Variants in ZNF385B observed in about 807,000 individuals in gnomAD.
The protein encoded by ZNF385B is zinc finger protein 533.
In ZNF385B, 23 loss-of-function variants were observed where a neutral mutation model predicts 39.2. The observed-to-expected ratio is 0.59, with a 90% CI of 0.42 to 0.83. ZNF385B has a LOEUF of 0.83. Ranked by LOEUF, ZNF385B falls within the 40% of genes least tolerant of loss-of-function variation. The pLI is 0.00. For synonymous variants in ZNF385B, 205 were observed against 222.6 expected (o/e 0.92, Z 0.70); for missense variants, 552 against 598.9 (o/e 0.92, Z 0.82).
At chr2:179,476,750 T>C (rs1221081095) in intron 6 of ZNF385B, among the ~76,000 whole-genome samples, 1 of 152,208 alleles carries the variant, frequency 6.6e-6, no homozygotes, top group Non-Finnish European at 1.5e-5. Flanking sequence ...TAAGTTGACC[T>C]TGAAAGTCAT....
rs374147864 is a variant in ZNF385B at position 179,792,375 on chromosome 2, CT to C, written c.-154-21704del. 4.8e-4 allele frequency among the ~76,000 whole-genome samples: 60 copies of C among 124,090 alleles called. 2 individuals are homozygous for C. Among genetic ancestry groups the C allele is most frequent in the Non-Finnish European group, 8.3e-4 (51 of 61,526 alleles). 81.4% of individuals were successfully genotyped at this position (124,090 alleles called of 152,430 possible). A position where few individuals can be genotyped will look rare whatever the true frequency, so the allele number is the denominator to read the frequency against. On this transcript the variant is annotated intron_variant, in intron 1 of 9. Coordinates refer to ENST00000410066, the MANE Select transcript of ZNF385B (RefSeq NM_152520.6). ...GAAGTAGGCCATTTCATTTTCTTTT[CT>C]TTTTTTTTTTTTTTTGAGACAGAGT... is the stretch of plus-strand genomic sequence containing the variant.
intron 3 of ZNF385B, among the ~76,000 whole-genome samples, chr2:179,584,828 G>C (rs1455627824): frequency 1.3e-5 from 2 of 152,154 alleles, no homozygotes; most frequent in African/African-American, 4.8e-5. Context: ...CCTATATATA[G>C]ATGCCATATG....
At chr2:179,533,021 T>C (rs2059347534) in intron 4 of ZNF385B, among the ~76,000 whole-genome samples, 1 of 152,172 alleles carries the variant, frequency 6.6e-6, no homozygotes, top group Non-Finnish European at 1.5e-5. Context: ...GATAATTTCC[T>C]GTGATGACCG....
intron 1 of ZNF385B, among the ~76,000 whole-genome samples, chr2:179,815,877 A>G (rs1433872741): frequency 6.6e-6 from 1 of 152,126 alleles, no homozygotes; most frequent in African/African-American, 2.4e-5. Flanking sequence ...CTTTTCATCT[A>G]TCTGATTATA....
intron 4 of ZNF385B, among the ~76,000 whole-genome samples, chr2:179,540,457 A>G (rs2105893648): frequency 6.6e-6 from 1 of 152,172 alleles, no homozygotes; most frequent in East Asian, 1.9e-4. Context: ...AAACAAACAA[A>G]AACAAAACAA....
intron 6 of ZNF385B, among the ~76,000 whole-genome samples, chr2:179,481,708 A>G (rs1177854245): frequency 6.6e-6 from 1 of 152,188 alleles, no homozygotes; most frequent in African/African-American, 2.4e-5. Context: ...GCTGGAAGGT[A>G]AAGAGCATAA....
At chr2:179,694,684 A>G (rs1268357977) in intron 3 of ZNF385B, among the ~76,000 whole-genome samples, 1 of 152,080 alleles carries the variant, frequency 6.6e-6, no homozygotes, top group Non-Finnish European at 1.5e-5. Flanking sequence ...AATCCCAGCA[A>G]TTTGGGAGGT....
chr2:179,615,064 A>C (rs1660503407), intron 3 of ZNF385B, among the ~76,000 whole-genome samples: 1 of 152,178 alleles, frequency 6.6e-6, no homozygotes, highest in Non-Finnish European at 1.5e-5. Context: ...CTGGACATTT[A>C]AGATTTTTTA....
rs147264546 is a variant in ZNF385B at position 179,497,047 on chromosome 2, T to C, written c.553-13613A>G. Among the ~76,000 whole-genome samples, 911 of 152,172 alleles carry C rather than the reference T, an allele frequency of 6.0e-3. 8 individuals are homozygous for C. The highest frequency in any genetic ancestry group is 0.021 in the African/African-American group (865 of 41,512). On this transcript the variant is annotated intron_variant, in intron 5 of 9. Coordinates refer to ENST00000410066, the MANE Select transcript of ZNF385B (RefSeq NM_152520.6). ...CTGGGCAACAGAGTGAGAATCTGTC[T>C]CAAAAACAAACAAATGAACAAACAA...
At chr2:179,444,307 T>C (rs2049252387) in intron 9 of ZNF385B, among the ~76,000 whole-genome samples, 1 of 152,286 alleles carries the variant, frequency 6.6e-6, no homozygotes, top group East Asian at 1.9e-4. Context: ...AATCTATCCA[T>C]CTTGGTATTT....
chr2:179,690,888 T>G (rs566387585), intron 3 of ZNF385B, among the ~76,000 whole-genome samples: 1 of 152,306 alleles, frequency 6.6e-6, no homozygotes, highest in East Asian at 1.9e-4. Context: ...TCTTACAAGA[T>G]TATGGTTTTA....
intron 1 of ZNF385B, among the ~76,000 whole-genome samples, chr2:179,819,081 C>T (rs1245824577): frequency 1.4e-5 from 2 of 146,654 alleles, no homozygotes; most frequent in South Asian, 2.2e-4. Flanking sequence ...ACACAATTTA[C>T]TCCACAAAAT....
At chr2:179,641,811 A>T (rs1231899510) in intron 3 of ZNF385B, among the ~76,000 whole-genome samples, 1 of 152,154 alleles carries the variant, frequency 6.6e-6, no homozygotes, top group Non-Finnish European at 1.5e-5. Flanking sequence ...CTTTTGTCCC[A>T]GAAGCCACAG....
chr2:179,804,319 A>G (rs571775015), intron 1 of ZNF385B, among the ~76,000 whole-genome samples: 17 of 152,198 alleles, frequency 1.1e-4, no homozygotes, highest in Non-Finnish European at 2.2e-4. Context: ...CAAAGACTCA[A>G]GTGCTTCTAA....
intron 3 of ZNF385B, among the ~76,000 whole-genome samples, chr2:179,594,677 A>G (rs1687845816): frequency 6.6e-6 from 1 of 152,242 alleles, no homozygotes; most frequent in Non-Finnish European, 1.5e-5. Context: ...GCCAGTTCAG[A>G]TAAAGAGGAG....
intron 3 of ZNF385B, among the ~76,000 whole-genome samples, chr2:179,577,572 C>A (rs61515342): frequency 0.088 from 13,332 of 152,022 alleles, 647 homozygotes; most frequent in Non-Finnish European, 0.1. Context: ...TGGACCTATG[C>A]TCCTTTATAA....
chr2:179,668,714 G>T (rs1446600151), intron 3 of ZNF385B, among the ~76,000 whole-genome samples: 1 of 151,016 alleles, frequency 6.6e-6, no homozygotes, highest in Admixed American at 6.6e-5. Context: ...CATAAGCTAG[G>T]GGAAAAAAGG....
intron 3 of ZNF385B, among the ~76,000 whole-genome samples, chr2:179,569,148 C>T (rs1684926015): frequency 6.6e-6 from 1 of 152,132 alleles, no homozygotes; most frequent in Non-Finnish European, 1.5e-5. Context: ...TCCCCAAGAT[C>T]CTAAAGCAGG....
At chr2:179,714,229 A>G (rs1457884192) in intron 3 of ZNF385B, among the ~76,000 whole-genome samples, 1 of 152,228 alleles carries the variant, frequency 6.6e-6, no homozygotes, top group Admixed American at 6.5e-5. Flanking sequence ...CAATGACCAG[A>G]GTTAATATTT....
Sources: allele counts gnomAD v4.1 joint callset (sites outside exome capture counted in the v4.1 genomes callset), GRCh38; gene constraint gnomAD v4.1.1; transcripts MANE v1.5; gene names NCBI Gene and HGNC (gene_info 2026-07-23, HGNC 2026-07-21).